The following CLASP1 variants were observed in gnomAD, a reference collection of about 807,000 sequenced individuals.
CLASP1 encodes cytoplasmic linker associated protein 1.
A neutral mutation model predicts 192.3 loss-of-function variants in CLASP1; 38 were observed. The observed-to-expected ratio is 0.20, with a 90% CI of 0.15 to 0.26. The LOEUF (loss-of-function observed/expected upper bound fraction) is 0.26, where lower values mean the gene tolerates loss of function less well. Ranked by LOEUF, CLASP1 falls within the 10% of genes least tolerant of loss-of-function variation. The pLI is 1.00. For synonymous variants in CLASP1, 691 were observed against 712.8 expected (o/e 0.97, Z 0.49); for missense variants, 1,433 against 1,932.5 (o/e 0.74, Z 4.85).
chr2:121,610,925 A>AGGAGTT (rs2065294969), intron 1 of CLASP1, among the ~76,000 whole-genome samples: 5 of 138,206 alleles, frequency 3.6e-5, no homozygotes, highest in South Asian at 2.4e-4. Flanking sequence ...CTGGAGGAGG[A>AGGAGTT]GGAGGAGTTA....
chr2:121,641,252 A>G (rs34001560), intron 1 of CLASP1, among the ~76,000 whole-genome samples: 35,039 of 151,808 alleles, frequency 0.23, 6,029 homozygotes, highest in African/African-American at 0.48. Context: ...GACACAGTCT[A>G]TGAAGAAAAT....
chr2:121,624,476 G>A (rs2067950829), intron 1 of CLASP1, among the ~76,000 whole-genome samples: 1 of 152,012 alleles, frequency 6.6e-6, no homozygotes, highest in South Asian at 2.1e-4. Context: ...GTGCACATTT[G>A]CGTGATCTGG....
At chr2:121,593,830 G>C (rs920755614) in intron 2 of CLASP1, among the ~76,000 whole-genome samples, 1 of 151,220 alleles carries the variant, frequency 6.6e-6, no homozygotes. Flanking sequence ...GACCAACATG[G>C]AGAAACCCCA....
chr2:121,493,611 A>C (rs185104119), intron 8 of CLASP1, among the ~76,000 whole-genome samples: 33 of 152,306 alleles, frequency 2.2e-4, no homozygotes, highest in African/African-American at 7.5e-4. Context: ...GTAACACCCC[A>C]CAAGTATGGG....
At chr2:121,397,037 T>A (rs2075390044) in intron 30 of CLASP1, 103 bp downstream of exon 31, 1 of 1,092,660 alleles carries the variant, frequency 9.2e-7, no homozygotes, top group African/African-American at 1.6e-5. Context: ...CTTAGTGATA[T>A]AGGTTTGTGG....
At position 121,479,016 on chromosome 2, in the gene CLASP1, CCA is replaced by C. The variant is rs752871583; in HGVS notation, c.713-9058_713-9057del. Reference sequence around the variant, plus strand: ...CCCACACACACACCACACACACACACCACACACACACACACCCCACACACACA... The same window carrying C: ...CCCACACACACACCACACACACACACCACACACACACACCCCACACACACA... On this transcript the variant is annotated intron_variant, in intron 8 of 39. Transcript: ENST00000263710. 5.3e-4 allele frequency among the ~76,000 whole-genome samples: 34 copies of C among 63,894 alleles called. 1 individual carries two copies. Among genetic ancestry groups the C allele is most frequent in the African/African-American group, 7.8e-4 (8 of 10,304 alleles). 41.9% of individuals were successfully genotyped at this position (63,894 alleles called of 152,430 possible).
chr2:121,402,400 C>A (rs570980595), intron 26 of CLASP1, among the ~76,000 whole-genome samples: 13 of 152,190 alleles, frequency 8.5e-5, no homozygotes, highest in African/African-American at 2.9e-4. Context: ...ACTGAGTATC[C>A]CTACCTTGTT....
chr2:121,528,005 C>T (rs1366174512), intron 4 of CLASP1, 115 bp from the exon 5 acceptor site: 9 of 689,882 alleles, frequency 1.3e-5, no homozygotes, highest in East Asian at 2.6e-5. Flanking sequence ...CCATCCTCTA[C>T]CAACACATTT....
chr2:121,418,462 C>T (rs1295300727), intron 23 of CLASP1, among the ~76,000 whole-genome samples, 160 bp downstream of exon 23: 1 of 152,120 alleles, frequency 6.6e-6, no homozygotes, highest in Non-Finnish European at 1.5e-5. Context: ...AAAATTCAAG[C>T]ATGCAGAGGG....
In CLASP1 at chr2:121,365,296, C is replaced by T. The variant is rs777897985; in HGVS notation, c.3887-12G>A. 2 of 1,608,952 alleles carry T rather than the reference C, an allele frequency of 1.2e-6. No individual in the cohort carries two copies. The highest frequency in any genetic ancestry group is 1.1e-5 in the South Asian group (1 of 90,142). On this transcript the variant is annotated splice_polypyrimidine_tract_variant and intron_variant, in intron 35 of 39. Transcript: ENST00000263710. The stretch of plus-strand genomic sequence containing the variant: ...ATGGTCGATGGGCACTGGTGAAACA[C>T]ACCAGACATACGTCACCTCGTGAGG...
intron 8 of CLASP1, among the ~76,000 whole-genome samples, chr2:121,480,328 C>A (rs1012292848): frequency 6.6e-6 from 1 of 152,230 alleles, no homozygotes. Flanking sequence ...GCTCAAAGTT[C>A]ACACTGGGTA....
Position 121,626,297 on chromosome 2 carries a change from T to G in CLASP1, c.-285-20117A>C, listed in dbSNP as rs374564742. Among the ~76,000 whole-genome samples, 8 of 152,268 alleles carry G rather than the reference T, an allele frequency of 5.3e-5. No individual in the cohort carries two copies. In the East Asian group the frequency reaches 9.7e-4, roughly 18 times the overall value. The stretch of plus-strand genomic sequence containing the variant: ...AGGATTTAAAAAAACAAGAGAAGTC[T>G]TTCTGTGTTACTGAATAAAGAAGTC... On this transcript the variant is annotated intron_variant, in intron 1 of 39. Coordinates refer to ENST00000263710, the Ensembl canonical transcript of CLASP1.
At chr2:121,580,000 A>AT (rs1171258239) in intron 2 of CLASP1, among the ~76,000 whole-genome samples, 1 of 152,222 alleles carries the variant, frequency 6.6e-6, no homozygotes, top group East Asian at 1.9e-4. Flanking sequence ...TTTTCTACAG[A>AT]TTTTTATTTT....
intron 30 of CLASP1, among the ~76,000 whole-genome samples, chr2:121,389,321 C>T (rs1470931120): frequency 2.0e-5 from 3 of 152,040 alleles, no homozygotes; most frequent in Non-Finnish European, 1.5e-5. Flanking sequence ...ATACACTTTT[C>T]TGCATTTCAT....
chr2:121,634,755 C>G (rs1394356791), intron 1 of CLASP1, among the ~76,000 whole-genome samples: 1 of 151,710 alleles, frequency 6.6e-6, no homozygotes, highest in Non-Finnish European at 1.5e-5. Flanking sequence ...CAGCAGTAAG[C>G]CCAGACAGCT....
intron 39 of CLASP1, among the ~76,000 whole-genome samples, chr2:121,341,365 T>C (rs922577832): frequency 6.6e-6 from 1 of 152,150 alleles, no homozygotes; most frequent in Admixed American, 6.5e-5. Context: ...TGGGCCAAGG[T>C]CAGAGGGCAA....
At chr2:121,593,980 C>A (rs1243725206) in intron 2 of CLASP1, among the ~76,000 whole-genome samples, 1 of 149,662 alleles carries the variant, frequency 6.7e-6, no homozygotes, top group Admixed American at 6.7e-5. Context: ...TGCACTCCAG[C>A]CTCAGTAACA....
intron 2 of CLASP1, among the ~76,000 whole-genome samples, chr2:121,550,988 A>G (rs1250427918): frequency 1.3e-5 from 2 of 152,180 alleles, no homozygotes; most frequent in African/African-American, 2.4e-5. Context: ...CTTGCAAACC[A>G]AATCCAGGAG....
chr2:121,616,744 T>C (rs1331286158), intron 1 of CLASP1, among the ~76,000 whole-genome samples: 1 of 152,202 alleles, frequency 6.6e-6, no homozygotes, highest in African/African-American at 2.4e-5. Flanking sequence ...AGTCTACCTG[T>C]TCCTTCTGTC....
Sources: allele counts gnomAD v4.1 joint callset (sites outside exome capture counted in the v4.1 genomes callset), GRCh38; gene constraint gnomAD v4.1.1; transcripts MANE v1.5; gene names NCBI Gene and HGNC (gene_info 2026-07-23, HGNC 2026-07-21).